Variants in DST observed in about 807,000 individuals in gnomAD.
DST encodes dystonin, also known as bullous pemphigoid antigen.
Under a neutral mutation model 875.2 loss-of-function variants are expected in DST, and 253 were observed. The observed-to-expected ratio is 0.29, with a 90% CI of 0.26 to 0.32. The LOEUF (loss-of-function observed/expected upper bound fraction) is 0.32. Among genes scored for constraint, DST ranks in the 10% least tolerant of loss-of-function variants. DST has a pLI of 1.00. For missense variants in DST, 8,287 were observed against 9,111.6 expected, an observed-to-expected ratio of 0.91 and a Z score of 3.68; for synonymous variants, 3,124 against 3,197.1, an observed-to-expected ratio of 0.98 and a Z score of 0.77.
chr6:56,879,427 C>T (rs542888633), intron 3 of DST, among the ~76,000 whole-genome samples: 178 of 151,544 alleles, frequency 1.2e-3, no homozygotes, highest in Middle Eastern at 0.01. Context: ...GCAGAGATCA[C>T]GCCACTGCAC....
chr6:56,818,173 T>C (rs2099768878), intron 4 of DST, among the ~76,000 whole-genome samples: 1 of 152,182 alleles, frequency 6.6e-6, no homozygotes, highest in African/African-American at 2.4e-5. Context: ...GTAATAAATT[T>C]GTGTTGTTTC....
At chr6:56,739,154 C>T (rs187749012) in intron 4 of DST, among the ~76,000 whole-genome samples, 33 of 149,382 alleles carry the variant, frequency 2.2e-4, no homozygotes, top group African/African-American at 8.2e-4. Flanking sequence ...ATGCGCTCAA[C>T]AGATAGATGC....
At chr6:56,764,662 A>G (rs1452181665) in intron 4 of DST, among the ~76,000 whole-genome samples, 1 of 152,126 alleles carries the variant, frequency 6.6e-6, no homozygotes, top group Non-Finnish European at 1.5e-5. Context: ...AGAACACTAA[A>G]AAGAAGGATG....
At position 56,528,001 on chromosome 6, in the gene DST, A is replaced by G. The variant is rs566106082; in HGVS notation, c.17681-267T>C. 8.5e-5 allele frequency among the ~76,000 whole-genome samples: 13 copies of G among 152,326 alleles called. No individual in the cohort carries two copies. In the South Asian group the frequency reaches 2.7e-3, roughly 32 times the overall value. On this transcript the variant is annotated intron_variant, in intron 67 of 103. Transcript: ENST00000680361. ...TGTGGAAAGCAGTACTTTTGTATCT[A>G]TCTGTATGAGACTTTGTTTTCAAAG...
chr6:56,518,021 C>T (rs1191065408), intron 69 of DST, among the ~76,000 whole-genome samples: 1 of 152,100 alleles, frequency 6.6e-6, no homozygotes, highest in Non-Finnish European at 1.5e-5. Context: ...TAACATTCTG[C>T]TATCAAAGTA....
At chr6:56,943,935 G>A (rs944949066) in intron 2 of DST, among the ~76,000 whole-genome samples, 5 of 151,916 alleles carry the variant, frequency 3.3e-5, no homozygotes, top group Non-Finnish European at 5.9e-5. Flanking sequence ...TGGCCAACAT[G>A]GTGAAATCTT....
chr6:56,911,452 G>A (rs1366690966), intron 2 of DST, among the ~76,000 whole-genome samples: 1 of 152,126 alleles, frequency 6.6e-6, no homozygotes, highest in Non-Finnish European at 1.5e-5. Flanking sequence ...GGCTATCAGG[G>A]GCCAGAAATC....
At chr6:56,774,391 A>G (rs1220757780) in intron 4 of DST, among the ~76,000 whole-genome samples, 1 of 152,142 alleles carries the variant, frequency 6.6e-6, no homozygotes, top group Admixed American at 6.6e-5. Flanking sequence ...CCATAGCTTA[A>G]AACCAAACCA....
At position 56,458,153 on chromosome 6, in the gene DST, G is replaced by GT. The variant is rs1486941470; in HGVS notation, c.*851dup. The GT allele has an allele frequency of 1.3e-5, 2 of 152,384 alleles. No individual in the cohort carries two copies. The highest frequency in any genetic ancestry group is 4.8e-5 in the African/African-American group (2 of 41,360). The allele number at this position is 152,384 out of a possible 1,614,324, so 9.4% of individuals were successfully genotyped here. On this transcript the variant is annotated 3_prime_UTR_variant, in exon 104 of 104. Coordinates refer to ENST00000680361, the MANE Select transcript of DST (RefSeq NM_001374736.1). ...GAAATCAAAATAAACCCATTTTTAA[G>GT]TATCTTTTGGTCACTCCAAATTGAT...
At chr6:56,637,827 A>G (rs1447693874) in intron 22 of DST, among the ~76,000 whole-genome samples, 1 of 152,104 alleles carries the variant, frequency 6.6e-6, no homozygotes, top group Non-Finnish European at 1.5e-5. Context: ...TCCTTTTGGA[A>G]AAGTTCATTC....
chr6:56,905,983 C>A (rs1014724113), intron 2 of DST, among the ~76,000 whole-genome samples: 1 of 152,134 alleles, frequency 6.6e-6, no homozygotes, highest in South Asian at 2.1e-4. Context: ...CATCTCTCCA[C>A]GGACATTTAG....
Position 56,900,552 on chromosome 6 carries a change from C to T in DST, c.286G>A (p.Val96Met). The stretch of plus-strand genomic sequence containing the variant: ...TGGTGAACTTCCACCACGGGCTTCA[C>T]TTCTTCCAGACGGGCAGCTGCGGCC... ...AAAAAARLEE[V>M]KPVVEVHHQS... The change falls in exon 3 of 104, where the codon GTG becomes ATG. Residue 96 changes from valine to methionine, a missense_variant. By Grantham distance (21) the Val-to-Met change is conservative. Around this residue, in one of 10 missense-constraint regions of DST, gnomAD observed 1,160 missense variants for 1,424.3 expected, o/e 0.81. Transcript: ENST00000680361. 1 of 1,367,704 alleles carries T rather than the reference C, an allele frequency of 7.3e-7. No individual in the cohort carries two copies. Among genetic ancestry groups the T allele is most frequent in the Non-Finnish European group, 9.8e-7 (1 of 1,021,860 alleles). The allele number at this position is 1,367,704 out of a possible 1,614,324, so 84.7% of individuals were successfully genotyped here.
intron 2 of DST, among the ~76,000 whole-genome samples, chr6:56,948,111 C>T (rs1018455679): frequency 2.0e-5 from 3 of 152,234 alleles, no homozygotes; most frequent in East Asian, 1.9e-4. Flanking sequence ...ATAACTTTTA[C>T]AGTTTAAAGT....
intron 99 of DST, 147 bp from the exon 100 acceptor site, chr6:56,464,903 G>A: frequency 1.6e-6 from 1 of 639,392 alleles, no homozygotes; most frequent in Non-Finnish European, 2.7e-6. Context: ...AGGAAAAGAA[G>A]CACTCAAGGG....
chr6:56,493,750 C>T (rs776563387), intron 83 of DST, among the ~76,000 whole-genome samples: 2 of 151,992 alleles, frequency 1.3e-5, no homozygotes, highest in Non-Finnish European at 2.9e-5. Context: ...TAGTTCTTAA[C>T]ATTTAAAAAT....
Position 56,607,326 on chromosome 6 carries a change from C to T in DST, c.7302G>A (p.Arg2434=). Residue 2434 remains arginine, a synonymous_variant, in exon 40 of 104, where the codon AGG becomes AGA. Coordinates refer to ENST00000680361, the MANE Select transcript of DST (RefSeq NM_001374736.1). ...RDSPIFDYSP[R]LSALLSHDKL... ...TATCATGACTTAACAAGGCACTTAG[C>T]CTGGGGGAATAGTCAAAGATAGGTG... 6.2e-7 allele frequency: 1 copy of T among 1,613,282 alleles called. No individual in the cohort carries two copies. The highest frequency in any genetic ancestry group is 8.5e-7 in the Non-Finnish European group (1 of 1,179,636).
chr6:56,826,555 A>G (rs764173928), intron 4 of DST, among the ~76,000 whole-genome samples: 1 of 152,198 alleles, frequency 6.6e-6, no homozygotes, highest in East Asian at 1.9e-4. Flanking sequence ...CTCTGTTTGC[A>G]TATAGAATTT....
chr6:56,573,219 C>T (rs2097803316), intron 51 of DST, among the ~76,000 whole-genome samples, 155 bp from the exon 52 acceptor site: 1 of 152,160 alleles, frequency 6.6e-6, no homozygotes, highest in Non-Finnish European at 1.5e-5. Flanking sequence ...TGGTCTGTCC[C>T]TTGAGGAATG....
Position 56,607,768 on chromosome 6 carries a change from G to C in DST, c.6860C>G (p.Pro2287Arg). The C allele has an allele frequency of 6.2e-7, 1 of 1,613,314 alleles. No individual in the cohort carries two copies. Among genetic ancestry groups the C allele is most frequent in the Admixed American group, 1.7e-5 (1 of 59,980 alleles). ...ATTTTCAGGAGTCTCTTCATGTTCA[G>C]GTTCTCCACAGTGACATTTATTGAA... Reference protein sequence around the residue: ...SSFNKCHCGEPEHEETPENRK... With the variant: ...SSFNKCHCGEREHEETPENRK... The change falls in exon 40 of 104, where the codon CCT (proline) becomes CGT (arginine). Residue 2287 changes from proline to arginine, a missense_variant. Pro to Arg is a moderately radical substitution (Grantham distance 103). Around this residue, in one of 10 missense-constraint regions of DST, gnomAD observed 3,138 missense variants for 3,116.6 expected, o/e 1.01. Transcript: ENST00000680361.
Sources: allele counts gnomAD v4.1 joint callset (sites outside exome capture counted in the v4.1 genomes callset), GRCh38; gene constraint gnomAD v4.1.1; regional missense constraint gnomAD v4.1.1; transcripts MANE v1.5; gene names NCBI Gene and HGNC (gene_info 2026-07-23, HGNC 2026-07-21).